Variants in MSH4 observed in about 807,000 individuals in gnomAD.
MSH4 encodes the protein mutS protein homolog 4.
In MSH4, 106 loss-of-function variants were observed where a neutral mutation model predicts 113.7. The observed-to-expected ratio is 0.93, with a 90% CI of 0.80 to 1.10. The LOEUF (loss-of-function observed/expected upper bound fraction) is 1.10, where lower values mean the gene tolerates loss of function less well. Ranked by LOEUF, MSH4 falls within the 50% of genes least tolerant of loss-of-function variation. The pLI, the probability that MSH4 is intolerant of heterozygous loss-of-function variation, is 0.00. For synonymous variants in MSH4, 368 were observed against 380.2 expected, an observed-to-expected ratio of 0.97 and a Z score of 0.37; for missense variants, 1,061 against 1,093.7, an observed-to-expected ratio of 0.97 and a Z score of 0.42.
chr1:75,797,527 A>T (rs912415198), intron 1 of MSH4, among the ~76,000 whole-genome samples: 6 of 152,224 alleles, frequency 3.9e-5, no homozygotes, highest in African/African-American at 1.4e-4. Flanking sequence ...TGCTGATAGA[A>T]GTTGTGAGCT....
At chr1:75,840,401 C>T (rs1650929455) in intron 7 of MSH4, among the ~76,000 whole-genome samples, 1 of 145,608 alleles carries the variant, frequency 6.9e-6, no homozygotes, top group Non-Finnish European at 1.5e-5. Context: ...TCATCATTCT[C>T]AGTAAACTAT....
rs147724745 is a variant in MSH4, at chr1:75,824,770, T to A, written c.1162+2189T>A. Among the ~76,000 whole-genome samples the A allele has an allele frequency of 3.1e-3, 468 of 152,234 alleles. 1 individual carries two copies. The highest frequency in any genetic ancestry group is 0.011 in the African/African-American group (440 of 41,556). ...TTGCTTTTGTTAGGTTTGTCAAACA[T>A]ATGTGGTGTTATTTCTCAGGTCTCT... is the stretch of plus-strand genomic sequence containing the variant. On this transcript the variant is annotated intron_variant, in intron 7 of 19. Coordinates refer to ENST00000263187, the MANE Select transcript of MSH4 (RefSeq NM_002440.4).
chr1:75,855,359 T>C (rs919592470), intron 8 of MSH4, among the ~76,000 whole-genome samples: 24 of 152,192 alleles, frequency 1.6e-4, no homozygotes, highest in African/African-American at 4.8e-4. Flanking sequence ...TCTAAGGCTG[T>C]GTAACAAAAC....
chr1:75,819,308 C>G (rs1245674666), intron 6 of MSH4, among the ~76,000 whole-genome samples: 1 of 152,042 alleles, frequency 6.6e-6, no homozygotes, highest in Non-Finnish European at 1.5e-5. Context: ...GCCTGGTCGC[C>G]ATGGTGAAAC....
intron 6 of MSH4, among the ~76,000 whole-genome samples, chr1:75,816,956 T>A (rs1167843836): frequency 4.6e-5 from 7 of 152,130 alleles, no homozygotes; most frequent in African/African-American, 1.4e-4. Flanking sequence ...TGATGGAGAA[T>A]TTTATTTAAG....
At chr1:75,837,684 G>A (rs1015857292) in intron 7 of MSH4, among the ~76,000 whole-genome samples, 12 of 152,016 alleles carry the variant, frequency 7.9e-5, no homozygotes, top group African/African-American at 2.2e-4. Context: ...CACTGTGCCC[G>A]GCCGCCATCT....
At chr1:75,814,523 TATATC>T (rs923448048) in intron 4 of MSH4, among the ~76,000 whole-genome samples, 16 of 151,708 alleles carry the variant, frequency 1.1e-4, no homozygotes, top group African/African-American at 3.9e-4. Context: ...ATGTAAATAG[TATATC>T]ATAGATAGGT....
chr1:75,912,654 A>G, intron 19 of MSH4, 42 bp from the exon 20 acceptor site: 1 of 1,175,828 alleles, frequency 8.5e-7, no homozygotes, highest in Non-Finnish European at 1.1e-6. Flanking sequence ...AAATTATGGT[A>G]TTTGTGTATA....
chr1:75,886,515 A>G (rs1321345894), intron 15 of MSH4, among the ~76,000 whole-genome samples: 1 of 109,036 alleles, frequency 9.2e-6, no homozygotes, highest in Non-Finnish European at 1.8e-5. Context: ...TATATATAAT[A>G]TATATGATGT....
At chr1:75,873,747 T>TA (rs1368855145) in intron 9 of MSH4, among the ~76,000 whole-genome samples, 40 of 150,746 alleles carry the variant, frequency 2.7e-4, no homozygotes, top group Admixed American at 5.3e-4. Flanking sequence ...TGATCTTGTT[T>TA]TTATATATAT....
intron 1 of MSH4, among the ~76,000 whole-genome samples, chr1:75,797,757 C>T (rs1649849379): frequency 2.0e-5 from 3 of 152,166 alleles, no homozygotes; most frequent in South Asian, 4.1e-4. Context: ...CATGGTGAAC[C>T]TCCCACCCCC....
At chr1:75,799,752 C>T (rs950660781) in intron 1 of MSH4, among the ~76,000 whole-genome samples, 1 of 151,952 alleles carries the variant, frequency 6.6e-6, no homozygotes, top group Non-Finnish European at 1.5e-5. Flanking sequence ...AACCCAGAGA[C>T]CCCCCATATT....
intron 9 of MSH4, among the ~76,000 whole-genome samples, chr1:75,873,824 C>T (rs1046871547): frequency 5.9e-5 from 9 of 152,064 alleles, no homozygotes; most frequent in South Asian, 4.2e-4. Context: ...CTGTCACTCA[C>T]GGGTATTTGG....
At chr1:75,885,059 G>GTGTGTATATATA (rs1300289205) in intron 15 of MSH4, among the ~76,000 whole-genome samples, 1 of 112,560 alleles carries the variant, frequency 8.9e-6, no homozygotes, top group African/African-American at 4.1e-5. Context: ...GTGTGTGTGT[G>GTGTGTATATATA]TATATATATA....
chr1:75,850,809 T>A (rs1427562766), intron 8 of MSH4, among the ~76,000 whole-genome samples: 1 of 152,146 alleles, frequency 6.6e-6, no homozygotes, highest in Non-Finnish European at 1.5e-5. Context: ...TGTGGATTTG[T>A]CTATTTTTCC....
At chr1:75,820,393 G>A (rs1196644176) in intron 6 of MSH4, among the ~76,000 whole-genome samples, 1 of 152,212 alleles carries the variant, frequency 6.6e-6, no homozygotes, top group Non-Finnish European at 1.5e-5. Context: ...CAGAAGGAAT[G>A]GTACCAGCTC....
rs746711773 is a variant in MSH4, at chr1:75,898,077, T to A, written c.2526T>A (p.Asn842Lys). 3.8e-6 allele frequency: 6 copies of A among 1,574,970 alleles called. No individual in the cohort carries two copies. In the Admixed American group the frequency reaches 1.1e-4, roughly 28 times the overall value. The stretch of plus-strand genomic sequence containing the variant: ...CTAAGGGACTCACAGAAGAGAAAAA[T>A]TATGGTACTGCATATAGAAATTATA... ...KLSKGLTEEKNYGLKAAEVSS... is the reference protein window; with the variant it reads ...KLSKGLTEEKKYGLKAAEVSS... Residue 842 changes from asparagine (N) to lysine (K), a missense_variant, in exon 18 of 20, where the codon AAT (asparagine) becomes AAA (lysine). Transcript: ENST00000263187.
intron 6 of MSH4, among the ~76,000 whole-genome samples, chr1:75,821,556 A>G (rs570543576): frequency 3.2e-4 from 49 of 152,224 alleles, no homozygotes; most frequent in Non-Finnish European, 5.3e-4. Flanking sequence ...AACTAAGATC[A>G]GAGCAGAAAT....
chr1:75,859,204 A>G (rs1651396104), intron 8 of MSH4, among the ~76,000 whole-genome samples: 1 of 151,984 alleles, frequency 6.6e-6, no homozygotes, highest in Non-Finnish European at 1.5e-5. Flanking sequence ...TTGATCTTTT[A>G]AAAAACCAGC....
Sources: allele counts gnomAD v4.1 joint callset (sites outside exome capture counted in the v4.1 genomes callset), GRCh38; gene constraint gnomAD v4.1.1; transcripts MANE v1.5; gene names NCBI Gene and HGNC (gene_info 2026-07-23, HGNC 2026-07-21).